The following TMC1 variants were observed in gnomAD, a reference collection of about 807,000 sequenced individuals.
The protein encoded by TMC1 is transmembrane channel like 1, also known as transmembrane channel-like protein 1.
A neutral mutation model predicts 105.8 loss-of-function variants in TMC1; 84 were observed. The ratio of observed to expected loss-of-function variants is 0.79; its 90% CI spans 0.67 to 0.95. The LOEUF (loss-of-function observed/expected upper bound fraction) is 0.95. TMC1 is among the 40% of genes least tolerant of loss of function. The pLI is 0.00. For missense variants in TMC1, 817 were observed against 914.1 expected (o/e 0.89, Z 1.37); for synonymous variants, 315 against 311.5 (o/e 1.01, Z -0.12).
chr9:72,732,066 A>C (rs1392997665), intron 8 of TMC1, among the ~76,000 whole-genome samples: 1 of 152,218 alleles, frequency 6.6e-6, no homozygotes, highest in Non-Finnish European at 1.5e-5. Flanking sequence ...AAAATAAACA[A>C]AATTTATTTT....
intron 2 of TMC1, among the ~76,000 whole-genome samples, chr9:72,608,470 G>A (rs1393106869): frequency 2.0e-5 from 3 of 152,200 alleles, no homozygotes; most frequent in African/African-American, 7.2e-5. Context: ...ACTTTGGGAG[G>A]CCGAGGTGGA....
At chr9:72,701,800 T>G (rs1390605602) in intron 8 of TMC1, among the ~76,000 whole-genome samples, 1 of 152,186 alleles carries the variant, frequency 6.6e-6, no homozygotes, top group Non-Finnish European at 1.5e-5. Context: ...TAGCCATCAT[T>G]TATAGTATTT....
chr9:72,751,293 A>G (rs1179886479), intron 10 of TMC1, among the ~76,000 whole-genome samples: 4 of 152,246 alleles, frequency 2.6e-5, no homozygotes, highest in Non-Finnish European at 5.9e-5. Context: ...AATGAATTTC[A>G]GCTTTTATAC....
intron 8 of TMC1, among the ~76,000 whole-genome samples, chr9:72,728,906 A>G (rs1177312942): frequency 4.6e-5 from 7 of 152,066 alleles, no homozygotes; most frequent in Admixed American, 4.6e-4. Flanking sequence ...TTAATCCACT[A>G]AAGCCCAGCT....
chr9:72,778,596 C>T (rs1403761410), intron 13 of TMC1, among the ~76,000 whole-genome samples: 1 of 152,170 alleles, frequency 6.6e-6, no homozygotes, highest in Non-Finnish European at 1.5e-5. Context: ...AAAGGAAGGA[C>T]TGCAGTAGAG....
At chr9:72,591,771 T>C (rs1397429936) in intron 2 of TMC1, among the ~76,000 whole-genome samples, 1 of 152,178 alleles carries the variant, frequency 6.6e-6, no homozygotes, top group African/African-American at 2.4e-5. Flanking sequence ...GGTCTCACTC[T>C]GTTGCCCAGG....
chr9:72,662,422 C>G (rs904376899), intron 5 of TMC1, among the ~76,000 whole-genome samples: 3 of 150,902 alleles, frequency 2.0e-5, no homozygotes, highest in Non-Finnish European at 4.4e-5. Flanking sequence ...GTCTCGAACT[C>G]CTGACCTCAG....
chr9:72,584,181 A>G (rs989389074), intron 2 of TMC1, among the ~76,000 whole-genome samples: 1 of 152,218 alleles, frequency 6.6e-6, no homozygotes, highest in African/African-American at 2.4e-5. Context: ...GGCCTTTAAA[A>G]GATAAAGAGG....
At chr9:72,700,145 C>T (rs1826618091) in intron 7 of TMC1, among the ~76,000 whole-genome samples, 1 of 150,620 alleles carries the variant, frequency 6.6e-6, no homozygotes, top group South Asian at 2.1e-4. Context: ...ATCCCAGCTA[C>T]TCGGGAGGCT....
chr9:72,662,821 G>C (rs1470202855), intron 5 of TMC1, among the ~76,000 whole-genome samples: 1 of 152,138 alleles, frequency 6.6e-6, no homozygotes, highest in Admixed American at 6.5e-5. Flanking sequence ...GATTATACTA[G>C]AAAATCTTGG....
At chr9:72,702,932 G>A (rs1341624044) in intron 8 of TMC1, among the ~76,000 whole-genome samples, 2 of 152,012 alleles carry the variant, frequency 1.3e-5, no homozygotes, top group East Asian at 1.9e-4. Flanking sequence ...TAGTACGAAA[G>A]CAGACACTGA....
chr9:72,535,410 C>T (rs1469660935), intron 1 of TMC1, among the ~76,000 whole-genome samples: 1 of 152,184 alleles, frequency 6.6e-6, no homozygotes, highest in Non-Finnish European at 1.5e-5. Context: ...CCCTTGATTG[C>T]ATTTAAATTT....
At chr9:72,641,042 G>T (rs1825619864) in intron 4 of TMC1, among the ~76,000 whole-genome samples, 1 of 152,158 alleles carries the variant, frequency 6.6e-6, no homozygotes, top group African/African-American at 2.4e-5. Flanking sequence ...AATTATGTTT[G>T]TGGGTATAGC....
intron 8 of TMC1, among the ~76,000 whole-genome samples, chr9:72,720,585 G>T (rs1039602465): frequency 1.3e-5 from 2 of 152,184 alleles, no homozygotes; most frequent in African/African-American, 4.8e-5. Flanking sequence ...AGCTCCATTG[G>T]AATGAATGAC....
At chr9:72,705,036 A>G (rs1342130362) in intron 8 of TMC1, among the ~76,000 whole-genome samples, 2 of 152,198 alleles carry the variant, frequency 1.3e-5, no homozygotes, top group Admixed American at 6.5e-5. Flanking sequence ...TCATTTAAAA[A>G]TATCCATTAA....
chr9:72,643,165 C>T (rs1296618449), intron 4 of TMC1, among the ~76,000 whole-genome samples: 1 of 150,742 alleles, frequency 6.6e-6, no homozygotes, highest in Non-Finnish European at 1.5e-5. Context: ...TTTATTCTGC[C>T]TTTTTTCTCT....
At position 72,836,213 on chromosome 9, in the gene TMC1, T is replaced by G; in HGVS notation, c.*240T>G. ...AGAGCCACTCTCTCCCCTGCTCCAT[T>G]TCGTGACTTTTTTTTTTTTTTTAAC... On this transcript the variant is annotated 3_prime_UTR_variant, in exon 24 of 24. Coordinates refer to ENST00000297784, the MANE Select transcript of TMC1 (RefSeq NM_138691.3). 1 of 566,624 alleles carries G rather than the reference T, an allele frequency of 1.8e-6. No individual in the cohort carries two copies. The highest frequency in any genetic ancestry group is 3.1e-6 in the Non-Finnish European group (1 of 318,340). 35.1% of individuals were successfully genotyped at this position (566,624 alleles called of 1,614,324 possible). A position where few individuals can be genotyped will look rare whatever the true frequency, so the allele number is the denominator to read the frequency against.
intron 10 of TMC1, among the ~76,000 whole-genome samples, chr9:72,748,636 T>C (rs571345249): frequency 6.6e-6 from 1 of 152,316 alleles, no homozygotes; most frequent in Non-Finnish European, 1.5e-5. Flanking sequence ...AGGCATTTCT[T>C]TTTAGTGAAC....
At chr9:72,712,428 C>T (rs769838163) in intron 8 of TMC1, among the ~76,000 whole-genome samples, 14 of 151,998 alleles carry the variant, frequency 9.2e-5, no homozygotes, top group Non-Finnish European at 1.9e-4. Context: ...ATGTTTGTGT[C>T]CTCTCTTATT....
Sources: gnomAD v4.1 joint callset for allele counts (sites outside exome capture counted in the v4.1 genomes callset) on GRCh38, gnomAD v4.1.1 for gene constraint, MANE v1.5 for transcripts, NCBI Gene and HGNC (gene_info 2026-07-23, HGNC 2026-07-21) for gene names.